INPP4B: variants seen among roughly 807,000 people sequenced by gnomAD.
INPP4B encodes the protein inositol polyphosphate 4-phosphatase type II.
INPP4B carries 55 observed loss-of-function variants against 122.5 expected under a neutral mutation model. The observed-to-expected ratio is 0.45, with a 90% CI of 0.36 to 0.56. The LOEUF is 0.56. INPP4B is among the 20% of genes least tolerant of loss of function. The probability of loss-of-function intolerance (pLI) is 0.00; values close to 1 mark genes in which losing one functional copy is unlikely to be tolerated. For synonymous variants in INPP4B, 403 were observed against 388.7 expected (o/e 1.04, Z -0.43); for missense variants, 1,000 against 1,097.7 (o/e 0.91, Z 1.26).
intron 7 of INPP4B, among the ~76,000 whole-genome samples, chr4:142,350,808 A>T (rs1360506274): frequency 3.3e-5 from 5 of 151,988 alleles, no homozygotes; most frequent in Non-Finnish European, 5.9e-5. Context: ...CTGTGCAAGA[A>T]ATTATCTCTC....
intron 18 of INPP4B, among the ~76,000 whole-genome samples, chr4:142,141,456 A>G (rs150716756): frequency 1.3e-5 from 2 of 152,290 alleles, no homozygotes; most frequent in Admixed American, 1.3e-4. Context: ...TTAGAAAGGT[A>G]TTTGAGTGTA....
At chr4:142,218,845 T>G (rs1285924592) in intron 12 of INPP4B, among the ~76,000 whole-genome samples, 3 of 152,194 alleles carry the variant, frequency 2.0e-5, no homozygotes, top group African/African-American at 7.2e-5. Flanking sequence ...AATTAAATAC[T>G]AAATAGTCAG....
chr4:142,374,461 G>T (rs1348918865), intron 7 of INPP4B, among the ~76,000 whole-genome samples: 2 of 151,884 alleles, frequency 1.3e-5, no homozygotes, highest in Non-Finnish European at 2.9e-5. Flanking sequence ...GGGGAGAAGT[G>T]GGAGAGAGCT....
intron 2 of INPP4B, among the ~76,000 whole-genome samples, chr4:142,673,766 G>T (rs974593161): frequency 6.6e-6 from 1 of 152,134 alleles, no homozygotes; most frequent in Admixed American, 6.6e-5. Flanking sequence ...CAGAACTGAA[G>T]TTCGTCAGAC....
intron 11 of INPP4B, among the ~76,000 whole-genome samples, chr4:142,239,158 T>C (rs1425966441): frequency 6.6e-6 from 1 of 152,106 alleles, no homozygotes; most frequent in African/African-American, 2.4e-5. Context: ...GAAATGAGGA[T>C]CTATTCATCC....
intron 25 of INPP4B, among the ~76,000 whole-genome samples, chr4:142,049,104 A>C (rs1753103338): frequency 6.6e-6 from 1 of 152,024 alleles, no homozygotes; most frequent in African/African-American, 2.4e-5. Flanking sequence ...TTGGCCAGCA[A>C]ACCAACATTA....
chr4:142,317,884 CAT>C (rs1040610185), intron 7 of INPP4B, among the ~76,000 whole-genome samples: 3 of 152,116 alleles, frequency 2.0e-5, no homozygotes, highest in African/African-American at 7.2e-5. Flanking sequence ...GCAGGAGTTA[CAT>C]ATGTTTGGGA....
At chr4:142,661,713 C>A (rs1210221176) in intron 2 of INPP4B, among the ~76,000 whole-genome samples, 1 of 152,198 alleles carries the variant, frequency 6.6e-6, no homozygotes, top group Non-Finnish European at 1.5e-5. Flanking sequence ...CAACCTCATT[C>A]AGATATAGTG....
At chr4:142,712,093 TCATCACTTTTGCACCTTCTACC>T (rs1442113595) in intron 2 of INPP4B, among the ~76,000 whole-genome samples, 1 of 152,124 alleles carries the variant, frequency 6.6e-6, no homozygotes, top group Non-Finnish European at 1.5e-5. Context: ...AAAGAGATGC[TCATCACTTTTGCACCTTCTACC>T]ATGTGAGGAC....
chr4:142,648,331 C>G (rs1752234466), intron 2 of INPP4B, among the ~76,000 whole-genome samples: 1 of 152,190 alleles, frequency 6.6e-6, no homozygotes, highest in Admixed American at 6.5e-5. Context: ...ACAGTGGGTG[C>G]AGCCCATGGA....
chr4:142,087,533 T>C (rs1777447002), intron 23 of INPP4B, among the ~76,000 whole-genome samples: 1 of 152,202 alleles, frequency 6.6e-6, no homozygotes, highest in Non-Finnish European at 1.5e-5. Flanking sequence ...AAATACACTC[T>C]ACTGTTGAAT....
chr4:142,609,811 C>T (rs955652610), intron 2 of INPP4B, among the ~76,000 whole-genome samples: 6 of 152,146 alleles, frequency 3.9e-5, no homozygotes, highest in Non-Finnish European at 5.9e-5. Context: ...TTTGATACTG[C>T]TAGTTTGCTT....
At chr4:142,321,501 C>T (rs917906176) in intron 7 of INPP4B, among the ~76,000 whole-genome samples, 1 of 152,072 alleles carries the variant, frequency 6.6e-6, no homozygotes, top group African/African-American at 2.4e-5. Flanking sequence ...GAATTATTTG[C>T]CTAAGTCAAT....
chr4:142,487,893 A>G (rs967825600), intron 2 of INPP4B, among the ~76,000 whole-genome samples: 1 of 152,118 alleles, frequency 6.6e-6, no homozygotes, highest in African/African-American at 2.4e-5. Flanking sequence ...TTCCTTTGGA[A>G]TTGTGATGGC....
intron 2 of INPP4B, among the ~76,000 whole-genome samples, chr4:142,525,826 T>TGGGCAA (rs1234868577): frequency 6.7e-6 from 1 of 149,216 alleles, no homozygotes. Context: ...GACATAGGCA[T>TGGGCAA]GGGCAAGGAC....
intron 3 of INPP4B, among the ~76,000 whole-genome samples, chr4:142,444,229 T>C (rs75498815): frequency 0.022 from 3,378 of 152,308 alleles, 119 homozygotes; most frequent in African/African-American, 0.076. Flanking sequence ...TCCAGACTTA[T>C]ACATTTAAGT....
chr4:142,310,325 T>C (rs999355011), intron 8 of INPP4B, among the ~76,000 whole-genome samples: 2 of 152,162 alleles, frequency 1.3e-5, no homozygotes, highest in Non-Finnish European at 2.9e-5. Flanking sequence ...ATATATAATT[T>C]ATTGTATTGA....
chr4:142,040,360 T>C (rs1177074082), intron 25 of INPP4B, among the ~76,000 whole-genome samples: 1 of 152,112 alleles, frequency 6.6e-6, no homozygotes, highest in African/African-American at 2.4e-5. Flanking sequence ...TGAAAAGGTG[T>C]GATAGTACCG....
intron 11 of INPP4B, among the ~76,000 whole-genome samples, chr4:142,257,225 T>G (rs1736699266): frequency 6.6e-6 from 1 of 152,222 alleles, no homozygotes; most frequent in Non-Finnish European, 1.5e-5. Context: ...AAGAGCTATC[T>G]GTGACAAACC....
Sources: gnomAD v4.1 joint callset for allele counts (sites outside exome capture counted in the v4.1 genomes callset) on GRCh38, gnomAD v4.1.1 for gene constraint, MANE v1.5 for transcripts, NCBI Gene and HGNC (gene_info 2026-07-23, HGNC 2026-07-21) for gene names.